Variants in CYP19A1 observed in about 807,000 individuals in gnomAD.
CYP19A1 encodes the protein cytochrome P450 family 19 subfamily A member 1, also known as aromatase.
In CYP19A1, 32 loss-of-function variants were observed where a neutral mutation model predicts 44.4. That is an observed-to-expected ratio of 0.72 (90% CI 0.54 to 0.97). CYP19A1 has a LOEUF of 0.97. Among genes scored for constraint, CYP19A1 ranks in the 50% least tolerant of loss-of-function variants. CYP19A1 has a pLI of 0.00. For missense variants in CYP19A1, 598 were observed against 637.8 expected (o/e 0.94, Z 0.67); for synonymous variants, 212 against 215.6 (o/e 0.98, Z 0.14).
At chr15:51,278,466 T>C (rs984971542) in intron 1 of CYP19A1, among the ~76,000 whole-genome samples, 9 of 152,170 alleles carry the variant, frequency 5.9e-5, no homozygotes, top group African/African-American at 2.2e-4. Context: ...TAAAAATAGA[T>C]TCATGCACAC....
At chr15:51,259,285 G>A (rs550588981) in intron 1 of CYP19A1, among the ~76,000 whole-genome samples, 1 of 152,258 alleles carries the variant, frequency 6.6e-6, no homozygotes, top group Admixed American at 6.5e-5. Context: ...GTTACACACA[G>A]TGATCAGTTC....
At chr15:51,255,603 C>T (rs1595726826) in intron 1 of CYP19A1, 1 of 152,200 alleles carries the variant, frequency 6.6e-6, no homozygotes, top group East Asian at 1.9e-4. Context: ...AAGCCCTTAA[C>T]TGCTGGAATG....
rs760882130 is a variant in CYP19A1 at position 51,210,636 on chromosome 15, G to A, written c.*172C>T. On this transcript the variant is annotated 3_prime_UTR_variant, in exon 10 of 10. Transcript: ENST00000396402. ...TAGCCTGGTTCTCTGGTGTGAACAGGAGCAGATGACAAATAGCACCTAGCT... is the reference window on the plus strand; with the variant it reads ...TAGCCTGGTTCTCTGGTGTGAACAGAAGCAGATGACAAATAGCACCTAGCT... The A allele has an allele frequency of 1.1e-5, 8 of 742,776 alleles. No individual in the cohort carries two copies. Among genetic ancestry groups the A allele is most frequent in the Non-Finnish European group, 2.0e-5 (8 of 404,062 alleles). 46.0% of individuals were successfully genotyped at this position (742,776 alleles called of 1,614,324 possible).
At chr15:51,333,812 C>T (rs1178937621) in intron 1 of CYP19A1, among the ~76,000 whole-genome samples, 1 of 152,304 alleles carries the variant, frequency 6.6e-6, no homozygotes, top group East Asian at 1.9e-4. Context: ...CTTTTGGTCA[C>T]TCCCAACCAG....
intron 1 of CYP19A1, among the ~76,000 whole-genome samples, chr15:51,322,262 A>G (rs2036540989): frequency 6.6e-6 from 1 of 152,228 alleles, no homozygotes; most frequent in Admixed American, 6.5e-5. Context: ...TCCTCATCAC[A>G]AGGCAGGGCA....
rs28757114 is a variant in CYP19A1 at position 51,296,573 on chromosome 15, G to A, written c.-39+41922C>T. On this transcript the variant is annotated intron_variant, in intron 1 of 9. Transcript: ENST00000396402. ...ACTCGCTAAAATTACAGAAAATGAG[G>A]TACATTTTTCATAGTGCTAAATTCA... Among the ~76,000 whole-genome samples, 835 of 152,016 alleles carry A rather than the reference G, an allele frequency of 5.5e-3. 11 individuals carry two copies. The highest frequency in any genetic ancestry group is 0.019 in the African/African-American group (804 of 41,436).
rs563822526 is a variant in CYP19A1 at position 51,280,529 on chromosome 15, C to T, written c.-38-37579G>A. On this transcript the variant is annotated intron_variant, in intron 1 of 9. Transcript: ENST00000396402. ...GACCTCTAGGACATGAGGTCCTACACCTCATTTTGGCCACTTCCTACCTAT... is the reference window on the plus strand; with the variant it reads ...GACCTCTAGGACATGAGGTCCTACATCTCATTTTGGCCACTTCCTACCTAT... Among the ~76,000 whole-genome samples, 22 of 152,298 alleles carry T rather than the reference C, an allele frequency of 1.4e-4. No homozygotes were observed. The South Asian group carries it at 4.4e-3, about 30-fold the overall frequency.
chr15:51,300,385 A>T (rs892222294), intron 1 of CYP19A1, among the ~76,000 whole-genome samples: 1 of 152,240 alleles, frequency 6.6e-6, no homozygotes, highest in Non-Finnish European at 1.5e-5. Context: ...CTCAGTGAGG[A>T]ATAAGACTCT....
intron 1 of CYP19A1, among the ~76,000 whole-genome samples, chr15:51,282,341 G>A (rs977223330): frequency 6.6e-6 from 1 of 152,148 alleles, no homozygotes; most frequent in African/African-American, 2.4e-5. Flanking sequence ...CGTGGCCTCT[G>A]GAATGAGTCT....
chr15:51,281,957 A>C (rs2035533472), intron 1 of CYP19A1, among the ~76,000 whole-genome samples: 1 of 152,212 alleles, frequency 6.6e-6, no homozygotes, highest in South Asian at 2.1e-4. Context: ...GCTAAGAAGG[A>C]ATTAGAGGTA....
chr15:51,328,271 T>G (rs2036643381), intron 1 of CYP19A1, among the ~76,000 whole-genome samples: 1 of 152,262 alleles, frequency 6.6e-6, no homozygotes, highest in Non-Finnish European at 1.5e-5. Context: ...AAAATGGGGT[T>G]GGATGCTAGA....
At chr15:51,325,816 G>GA (rs1358058365) in intron 1 of CYP19A1, among the ~76,000 whole-genome samples, 1 of 122,276 alleles carries the variant, frequency 8.2e-6, no homozygotes, top group Non-Finnish European at 1.6e-5. Context: ...CCAGCCTGGT[G>GA]ACAGAGTGAG....
At chr15:51,294,335 G>A (rs1263137336) in intron 1 of CYP19A1, among the ~76,000 whole-genome samples, 1 of 149,344 alleles carries the variant, frequency 6.7e-6, no homozygotes, top group Non-Finnish European at 1.5e-5. Flanking sequence ...GCCCCGTCTG[G>A]GATGTGAGGA....
At chr15:51,282,596 C>T (rs748988939) in intron 1 of CYP19A1, among the ~76,000 whole-genome samples, 18 of 152,212 alleles carry the variant, frequency 1.2e-4, no homozygotes, top group South Asian at 2.1e-4. Context: ...CCACCTGGAC[C>T]CACTTTCTCT....
intron 1 of CYP19A1, among the ~76,000 whole-genome samples, chr15:51,289,109 A>G (rs1269071801): frequency 2.0e-5 from 3 of 152,160 alleles, no homozygotes; most frequent in African/African-American, 7.2e-5. Context: ...GGTGGTGGGT[A>G]CAGGTCCCTG....
intron 1 of CYP19A1, among the ~76,000 whole-genome samples, chr15:51,261,712 A>G (rs17601876): frequency 0.57 from 87,180 of 151,994 alleles, 26,889 homozygotes; most frequent in African/African-American, 0.81. Flanking sequence ...TTACTTTCGC[A>G]GGGTAGTCAA....
chr15:51,274,840 G>C (rs1411372078), intron 1 of CYP19A1, among the ~76,000 whole-genome samples: 2 of 152,104 alleles, frequency 1.3e-5, no homozygotes. Flanking sequence ...TTTGTCAGGG[G>C]TATTTGAAGA....
chr15:51,306,043 T>C (rs936386790), intron 1 of CYP19A1, among the ~76,000 whole-genome samples: 6 of 152,116 alleles, frequency 3.9e-5, no homozygotes, highest in African/African-American at 1.4e-4. Context: ...TGTTGAAATA[T>C]AGTCAAGCAA....
intron 4 of CYP19A1, among the ~76,000 whole-genome samples, chr15:51,226,567 C>G (rs1036039179): frequency 6.6e-6 from 1 of 152,172 alleles, no homozygotes; most frequent in Non-Finnish European, 1.5e-5. Context: ...TAGCTCCCCC[C>G]ATCTCAGCAG....
Sources: allele counts gnomAD v4.1 joint callset (sites outside exome capture counted in the v4.1 genomes callset), GRCh38; gene constraint gnomAD v4.1.1; transcripts MANE v1.5; gene names NCBI Gene and HGNC (gene_info 2026-07-23, HGNC 2026-07-21).